The following TBC1D9 variants were observed in gnomAD, a reference collection of about 807,000 sequenced individuals.
The protein encoded by TBC1D9 is TBC1 domain family member 9A.
TBC1D9 carries 63 observed loss-of-function variants against 132.0 expected under a neutral mutation model. That is an observed-to-expected ratio of 0.48 (90% CI 0.39 to 0.59). The LOEUF (loss-of-function observed/expected upper bound fraction) is 0.59. Ranked by LOEUF, TBC1D9 falls within the 20% of genes least tolerant of loss-of-function variation. The probability of loss-of-function intolerance (pLI) is 0.00; values close to 1 mark genes in which losing one functional copy is unlikely to be tolerated. For missense variants in TBC1D9, 1,261 were observed against 1,592.7 expected (o/e 0.79, Z 3.54); for synonymous variants, 610 against 609.9 (o/e 1.00, Z 0.00).
At chr4:140,713,749 T>TAAAA (rs11438285) in intron 1 of TBC1D9, among the ~76,000 whole-genome samples, 2,457 of 147,896 alleles carry the variant, frequency 0.017, 58 homozygotes, top group African/African-American at 0.052. Context: ...GAAAAAGAAT[T>TAAAA]AAAAAAAAAA....
chr4:140,676,720 A>G (rs958756652), intron 6 of TBC1D9, among the ~76,000 whole-genome samples, 174 bp downstream of exon 6: 7 of 152,180 alleles, frequency 4.6e-5, no homozygotes, highest in Non-Finnish European at 1.5e-5. Context: ...AAGAGATCTC[A>G]CAGGTCCCAG....
At chr4:140,686,304 A>C (rs1179355282) in intron 3 of TBC1D9, 40 bp downstream of exon 3, 1 of 1,206,090 alleles carries the variant, frequency 8.3e-7, no homozygotes, top group African/African-American at 1.5e-5. Flanking sequence ...GTAAATTTGA[A>C]ATTATTTCCA....
intron 6 of TBC1D9, among the ~76,000 whole-genome samples, chr4:140,671,674 C>CTGTGTGTGTGTGTGTGTGTGTGTGTG (rs34072180): frequency 5.6e-5 from 8 of 141,830 alleles, no homozygotes; most frequent in African/African-American, 1.9e-4. Flanking sequence ...AACTACCAGA[C>CTGTGTGTGTGTGTGTGTGTGTGTGTG]TGTGTGTGTG....
Position 140,679,730 on chromosome 4 carries a change from C to T in TBC1D9, c.474G>A (p.Glu158=). Residue 158 remains glutamate, a synonymous_variant, in exon 4 of 21, where the codon GAG becomes GAA. Transcript: ENST00000442267. The stretch of plus-strand genomic sequence containing the variant: ...TGCAAGAGTAATAGTTGACGAGTTT[C>T]TCTTCCTCTGGCATCCCAAACAGCC... ...FHRLFGMPEE[E]KLVNYYSCSY... The T allele has an allele frequency of 6.2e-7, 1 of 1,613,872 alleles. No individual in the cohort carries two copies. Among genetic ancestry groups the T allele is most frequent in the Non-Finnish European group, 8.5e-7 (1 of 1,179,822 alleles).
At chr4:140,728,270 C>T (rs1051627764) in intron 1 of TBC1D9, among the ~76,000 whole-genome samples, 1 of 152,096 alleles carries the variant, frequency 6.6e-6, no homozygotes, top group Admixed American at 6.5e-5. Flanking sequence ...ATACTGCAGA[C>T]ATTCTTTTGA....
intron 1 of TBC1D9, among the ~76,000 whole-genome samples, chr4:140,734,969 C>T (rs1738650867): frequency 6.6e-6 from 1 of 152,142 alleles, no homozygotes; most frequent in Admixed American, 6.6e-5. Flanking sequence ...TTAGCAGACA[C>T]CACTGCTGGG....
intron 13 of TBC1D9, chr4:140,643,358 TGG>T: frequency 7.6e-7 from 1 of 1,315,414 alleles, no homozygotes; most frequent in Non-Finnish European, 1.1e-6. Flanking sequence ...CAGTAGCACC[TGG>T]GGAGGGCAGA....
At chr4:140,714,468 A>G (rs1166536758) in intron 1 of TBC1D9, among the ~76,000 whole-genome samples, 1 of 152,130 alleles carries the variant, frequency 6.6e-6, no homozygotes, top group Non-Finnish European at 1.5e-5. Flanking sequence ...TGATCTAAAG[A>G]CTTCTAATCG....
At chr4:140,651,292 G>A (rs1429000016) in intron 13 of TBC1D9, among the ~76,000 whole-genome samples, 2 of 152,062 alleles carry the variant, frequency 1.3e-5, no homozygotes, top group East Asian at 1.9e-4. Flanking sequence ...GTGAAACCCC[G>A]TCTCCACAAA....
At chr4:140,645,408 C>T (rs1737088379) in intron 13 of TBC1D9, 2 of 455,036 alleles carry the variant, frequency 4.4e-6, no homozygotes, top group African/African-American at 4.0e-5. Context: ...AGAGCCCGCG[C>T]ATCCAAATGC....
chr4:140,648,991 T>A (rs1216300336), intron 13 of TBC1D9, among the ~76,000 whole-genome samples: 1 of 152,206 alleles, frequency 6.6e-6, no homozygotes, highest in Non-Finnish European at 1.5e-5. Context: ...ATTTACTTTA[T>A]CCTTCAAAGC....
intron 1 of TBC1D9, among the ~76,000 whole-genome samples, chr4:140,726,349 T>C (rs1001058415): frequency 6.6e-6 from 1 of 152,196 alleles, no homozygotes; most frequent in African/African-American, 2.4e-5. Flanking sequence ...AAATACATTC[T>C]TTGTTGAGAA....
In TBC1D9 at chr4:140,755,966, T is replaced by C. The variant is rs776681937; in HGVS notation, c.80A>G (p.Gln27Arg). 2 of 1,604,896 alleles carry C rather than the reference T, an allele frequency of 1.2e-6. No homozygotes were observed. The highest frequency in any genetic ancestry group is 1.7e-6 in the Non-Finnish European group (2 of 1,176,338). Reference sequence around the variant, plus strand: ...ATCGCCGGCGTGGCCCTTCCTCCGCTGCAGGATGAAGTATGGGTTGGCCCT... The same window carrying C: ...ATCGCCGGCGTGGCCCTTCCTCCGCCGCAGGATGAAGTATGGGTTGGCCCT... ...TERANPYFIL[Q>R]RRKGHAGDGG... is the part of the protein sequence containing the mutation. The change falls in exon 1 of 21, where the codon CAG becomes CGG. Residue 27 changes from glutamine to arginine, a missense_variant. Gln to Arg is a conservative substitution (Grantham distance 43). This residue lies in a region of TBC1D9 where 550 missense variants were observed against 699.0 expected (regional missense o/e 0.79). Coordinates refer to ENST00000442267, the MANE Select transcript of TBC1D9 (RefSeq NM_015130.3).
chr4:140,721,679 T>C (rs748138086), intron 1 of TBC1D9, among the ~76,000 whole-genome samples: 4 of 152,230 alleles, frequency 2.6e-5, no homozygotes, highest in African/African-American at 4.8e-5. Flanking sequence ...TATTTTTAGC[T>C]GATAATCTAT....
intron 13 of TBC1D9, among the ~76,000 whole-genome samples, chr4:140,652,859 T>C (rs1457763691): frequency 6.6e-6 from 1 of 152,242 alleles, no homozygotes; most frequent in Non-Finnish European, 1.5e-5. Context: ...TCTGTTTTAT[T>C]AGCCACATCC....
intron 13 of TBC1D9, among the ~76,000 whole-genome samples, chr4:140,647,673 G>C (rs1309764268): frequency 2.0e-5 from 3 of 152,154 alleles, no homozygotes; most frequent in African/African-American, 7.2e-5. Context: ...AAAGAGCCCC[G>C]TGTGTCTTAG....
intron 13 of TBC1D9, chr4:140,644,458 T>C: frequency 3.4e-6 from 1 of 297,106 alleles, no homozygotes; most frequent in South Asian, 2.8e-5. Context: ...GGCGGCGGGC[T>C]CACCGCCTTG....
intron 1 of TBC1D9, among the ~76,000 whole-genome samples, chr4:140,729,565 A>G (rs1738554100): frequency 6.6e-6 from 1 of 152,114 alleles, no homozygotes; most frequent in Non-Finnish European, 1.5e-5. Context: ...TTCCTTTGTA[A>G]AAATCCCCTT....
At chr4:140,673,391 C>T (rs1025638556) in intron 6 of TBC1D9, among the ~76,000 whole-genome samples, 4 of 151,938 alleles carry the variant, frequency 2.6e-5, no homozygotes, top group African/African-American at 7.3e-5. Flanking sequence ...GTGGGCATTC[C>T]GTGTAGGATG....
Sources: allele counts gnomAD v4.1 joint callset (sites outside exome capture counted in the v4.1 genomes callset), GRCh38; gene constraint gnomAD v4.1.1; regional missense constraint gnomAD v4.1.1; transcripts MANE v1.5; gene names NCBI Gene and HGNC (gene_info 2026-07-23, HGNC 2026-07-21).